The following PTPRO variants were observed in gnomAD, a reference collection of about 807,000 sequenced individuals.
PTPRO encodes the protein receptor-type tyrosine-protein phosphatase O.
Under a neutral mutation model 145.2 loss-of-function variants are expected in PTPRO, and 62 were observed. The ratio of observed to expected loss-of-function variants is 0.43; its 90% confidence interval spans 0.35 to 0.53. The LOEUF is 0.53. Among genes scored for constraint, PTPRO ranks in the 20% least tolerant of loss-of-function variants. PTPRO has a pLI of 0.01. For synonymous variants in PTPRO, 565 were observed against 514.7 expected, an observed-to-expected ratio of 1.10 and a Z score of -1.32; for missense variants, 1,345 against 1,482.7, an observed-to-expected ratio of 0.91 and a Z score of 1.53.
intron 1 of PTPRO, among the ~76,000 whole-genome samples, chr12:15,452,059 G>A (rs989438627): frequency 1.3e-5 from 2 of 152,018 alleles, no homozygotes; most frequent in Non-Finnish European, 2.9e-5. Context: ...CAAAAAACTG[G>A]TTCTTTGAAA....
intron 2 of PTPRO, among the ~76,000 whole-genome samples, chr12:15,486,550 TAACC>T (rs1456258630): frequency 6.6e-6 from 1 of 152,148 alleles, no homozygotes; most frequent in African/African-American, 2.4e-5. Flanking sequence ...AAGAGAATGT[TAACC>T]TTATATGTAA....
Position 15,517,070 on chromosome 12 carries a change from T to C in PTPRO, c.1779+114T>C, listed in dbSNP as rs1327461211. The C allele has an allele frequency of 2.6e-5, 26 of 995,420 alleles. No homozygotes were observed. The Admixed American group carries it at 4.0e-4, about 15-fold the overall frequency. The allele number at this position is 995,420 out of a possible 1,614,324, so 61.7% of individuals were successfully genotyped here. A position where few individuals can be genotyped will look rare whatever the true frequency, so the allele number is the denominator to read the frequency against. On this transcript the variant is annotated intron_variant, in intron 9 of 26. Coordinates refer to ENST00000281171, the MANE Select transcript of PTPRO (RefSeq NM_030667.3). ...AATTTGATTATTTTGTAAATACACA[T>C]AGTGTGTTAGTTCATTTTCACACTG... is the stretch of plus-strand genomic sequence containing the variant.
chr12:15,571,998 G>A (rs1192986645), intron 19 of PTPRO, among the ~76,000 whole-genome samples: 4 of 152,182 alleles, frequency 2.6e-5, no homozygotes, highest in Non-Finnish European at 5.9e-5. Flanking sequence ...ATGGATAAAT[G>A]AATACATTTA....
At chr12:15,550,915 G>T (rs11056555) in intron 14 of PTPRO, among the ~76,000 whole-genome samples, 45,321 of 152,022 alleles carry the variant, frequency 0.3, 6,785 homozygotes, top group Middle Eastern at 0.43. Flanking sequence ...TCTTTATATA[G>T]AGTACATGAA....
chr12:15,518,424 T>C (rs1434148831), intron 9 of PTPRO, among the ~76,000 whole-genome samples: 2 of 152,268 alleles, frequency 1.3e-5, no homozygotes, highest in Non-Finnish European at 2.9e-5. Flanking sequence ...GATCTCTGAC[T>C]TGACCTGGAG....
At chr12:15,340,485 T>A (rs1476938006) in intron 1 of PTPRO, among the ~76,000 whole-genome samples, 1 of 152,218 alleles carries the variant, frequency 6.6e-6, no homozygotes, top group Non-Finnish European at 1.5e-5. Context: ...TTCTTTTTTC[T>A]GTCCGTCAAT....
At chr12:15,371,932 T>C (rs2136260224) in intron 1 of PTPRO, among the ~76,000 whole-genome samples, 1 of 152,290 alleles carries the variant, frequency 6.6e-6, no homozygotes, top group African/African-American at 2.4e-5. Context: ...TGATCGTAAG[T>C]TTCCTGAGGC....
intron 10 of PTPRO, among the ~76,000 whole-genome samples, chr12:15,521,973 A>C (rs1463100195): frequency 2.0e-5 from 3 of 152,160 alleles, no homozygotes; most frequent in Non-Finnish European, 4.4e-5. Flanking sequence ...CAATGTATTG[A>C]TGTTGATGAT....
chr12:15,374,152 G>A (rs1214172827), intron 1 of PTPRO, among the ~76,000 whole-genome samples: 5 of 152,060 alleles, frequency 3.3e-5, no homozygotes, highest in Admixed American at 2.6e-4. Context: ...AAAATTTCAA[G>A]GCAAGAGTAA....
intron 1 of PTPRO, among the ~76,000 whole-genome samples, chr12:15,330,732 G>A (rs1004573021): frequency 5.9e-5 from 9 of 152,170 alleles, no homozygotes; most frequent in African/African-American, 2.2e-4. Context: ...TCCTGAAACA[G>A]TTCTCTGTCT....
chr12:15,349,571 T>G (rs1248244195), intron 1 of PTPRO, among the ~76,000 whole-genome samples: 1 of 152,202 alleles, frequency 6.6e-6, no homozygotes, highest in Non-Finnish European at 1.5e-5. Context: ...ACACTTTACA[T>G]ATATAATTCC....
chr12:15,508,131 A>G (rs1465789099), intron 6 of PTPRO, among the ~76,000 whole-genome samples: 1 of 152,190 alleles, frequency 6.6e-6, no homozygotes, highest in Non-Finnish European at 1.5e-5. Context: ...CACTGTTGCC[A>G]AATTCAAATG....
intron 6 of PTPRO, among the ~76,000 whole-genome samples, chr12:15,506,316 CAA>C (rs1942320577): frequency 6.6e-6 from 1 of 152,138 alleles, no homozygotes; most frequent in Non-Finnish European, 1.5e-5. Flanking sequence ...AGCAATGACT[CAA>C]GAGACAGGAG....
At chr12:15,526,799 C>T (rs1942848548) in intron 12 of PTPRO, among the ~76,000 whole-genome samples, 1 of 151,510 alleles carries the variant, frequency 6.6e-6, no homozygotes, top group Admixed American at 6.6e-5. Flanking sequence ...TTACCTGATG[C>T]CTAGATATAA....
chr12:15,360,709 A>G (rs1431328264), intron 1 of PTPRO, among the ~76,000 whole-genome samples: 1 of 151,320 alleles, frequency 6.6e-6, no homozygotes, highest in Admixed American at 6.6e-5. Context: ...GTGTTTAAAC[A>G]TATACCTATA....
chr12:15,561,059 C>G (rs1943760415), intron 17 of PTPRO, among the ~76,000 whole-genome samples: 2 of 152,194 alleles, frequency 1.3e-5, no homozygotes, highest in Admixed American at 6.5e-5. Context: ...GAATTAAGAA[C>G]TCTTTCTTTT....
chr12:15,523,435 TG>T (rs1490235070), intron 10 of PTPRO, among the ~76,000 whole-genome samples: 2 of 152,212 alleles, frequency 1.3e-5, no homozygotes, highest in African/African-American at 4.8e-5. Context: ...GTATAAAGCT[TG>T]TGATGAATTC....
chr12:15,564,477 G>A (rs1232349976), intron 17 of PTPRO, among the ~76,000 whole-genome samples: 1 of 152,144 alleles, frequency 6.6e-6, no homozygotes, highest in Non-Finnish European at 1.5e-5. Flanking sequence ...CAGCCCTGGG[G>A]GGAAGCTATA....
In PTPRO at chr12:15,515,567, AG is replaced by A; in HGVS notation, c.1536del (p.Gly514AlafsTer3). 1 of 1,614,076 alleles carries A rather than the reference AG, an allele frequency of 6.2e-7. No homozygotes were observed. Among genetic ancestry groups the A allele is most frequent in the Non-Finnish European group, 8.5e-7 (1 of 1,179,970 alleles). ...GAQYQVVIYLRKGPLIGPPSD... is the reference protein window; with the variant it reads ...GAQYQVVIYLXKGPLIGPPSD... ...CCAGTACCAGGTTGTAATATACCTA[AG>A]GAAAGGCCCTTTGATTGGACCACCT... On this transcript the variant is annotated frameshift_variant, in exon 8 of 27. Transcript: ENST00000281171. LOFTEE classifies it high-confidence loss of function.
Sources: allele counts gnomAD v4.1 joint callset (sites outside exome capture counted in the v4.1 genomes callset), GRCh38; gene constraint gnomAD v4.1.1; transcripts MANE v1.5; gene names NCBI Gene and HGNC (gene_info 2026-07-23, HGNC 2026-07-21).